ZNF738: variants seen among roughly 807,000 people sequenced by gnomAD.
The protein encoded by ZNF738 is protein ZNF738.
Under a neutral mutation model 9.2 loss-of-function variants are expected in ZNF738, and 10 were observed. That is an observed-to-expected ratio of 1.09 (90% CI 0.67 to 1.85). ZNF738 has a LOEUF of 1.85. Among genes scored for constraint, ZNF738 ranks in the 40% most tolerant of loss-of-function variants. The probability of loss-of-function intolerance (pLI) is 0.00; values close to 1 mark genes in which losing one functional copy is unlikely to be tolerated. For synonymous variants in ZNF738, 113 were observed against 94.5 expected (o/e 1.20, Z -1.14); for missense variants, 346 against 283.6 (o/e 1.22, Z -1.58).
At chr19:21,376,648 G>A (rs1387507061) in intron 4 of ZNF738, among the ~76,000 whole-genome samples, 3 of 152,038 alleles carry the variant, frequency 2.0e-5, no homozygotes, top group South Asian at 4.1e-4. Context: ...TGCCTCCAGC[G>A]ATTCTCCTAT....
At chr19:21,361,366 C>T (rs1036777831) in intron 1 of ZNF738, among the ~76,000 whole-genome samples, 10 of 151,892 alleles carry the variant, frequency 6.6e-5, no homozygotes, top group African/African-American at 2.4e-4. Flanking sequence ...TCTCGAACTC[C>T]CGACCTCAGG....
intron 2 of ZNF738, among the ~76,000 whole-genome samples, chr19:21,365,579 G>A (rs2928218): frequency 0.95 from 144,825 of 152,226 alleles, 69,159 homozygotes; most frequent in Middle Eastern, 1. Context: ...AGCTCAATCG[G>A]AACTCATCAG....
chr19:21,378,060 T>G, intron 4 of ZNF738: 1 of 397,354 alleles, frequency 2.5e-6, no homozygotes, highest in Non-Finnish European at 4.4e-6. Context: ...CTTTAAGAGA[T>G]ACAATGTATT....
At chr19:21,378,192 TA>T (rs1973958462) in intron 4 of ZNF738, 4 of 363,122 alleles carry the variant, frequency 1.1e-5, no homozygotes, top group Admixed American at 4.6e-5. Flanking sequence ...AACATGTTTA[TA>T]ATGATTTCTA....
intron 4 of ZNF738, chr19:21,377,858 C>T (rs1379974827): frequency 2.6e-6 from 1 of 377,794 alleles, no homozygotes; most frequent in Non-Finnish European, 4.7e-6. Context: ...GGAAAGTTTT[C>T]TGAAACAAAG....
chr19:21,380,719 A>G (rs1453499278), intron 4 of ZNF738, among the ~76,000 whole-genome samples: 1 of 152,206 alleles, frequency 6.6e-6, no homozygotes, highest in Admixed American at 6.5e-5. Context: ...TCAATGAGGC[A>G]TCTGACAATG....
intron 2 of ZNF738, among the ~76,000 whole-genome samples, chr19:21,368,302 CTTA>C (rs367599005): frequency 0.013 from 1,995 of 151,930 alleles, 54 homozygotes; most frequent in African/African-American, 0.042. Flanking sequence ...TCCATGTGTT[CTTA>C]TTATTTAGCT....
chr19:21,383,255 T>C lies in ZNF738; in HGVS notation c.709T>C (p.Cys237Arg), dbSNP rs921223969. The change falls in exon 5 of 5, where the codon TGT (cysteine) becomes CGT (arginine). Residue 237 changes from cysteine to arginine, a missense_variant. Coordinates refer to ENST00000683779, the MANE Select transcript of ZNF738 (RefSeq NM_001355237.2). The stretch of plus-strand genomic sequence containing the variant: ...AGAGAATTCTTACCAATGTGAAGAA[T>C]GTGGCAAAGCCTTTAAATGGTTCTC... ...IRENSYQCEECGKAFKWFSTL... is the reference protein window; with the variant it reads ...IRENSYQCEERGKAFKWFSTL... 1.9e-6 allele frequency: 3 copies of C among 1,590,932 alleles called. No individual in the cohort carries two copies. Among genetic ancestry groups the C allele is most frequent in the African/African-American group, 1.3e-5 (1 of 74,454 alleles).
Position 21,384,043 on chromosome 19 carries a change from C to T in ZNF738, c.*369C>T. The stretch of plus-strand genomic sequence containing the variant: ...GCTTTCTACCGATTCATTTACCTTA[C>T]TACACATAAGAGAATTCACACTGGA... On this transcript the variant is annotated 3_prime_UTR_variant, in exon 5 of 5. Transcript: ENST00000683779. The T allele has an allele frequency of 6.4e-7, 1 of 1,559,650 alleles. No homozygotes were observed.
intron 1 of ZNF738, 100 bp downstream of exon 1, chr19:21,359,243 T>G: frequency 1.2e-6 from 1 of 853,592 alleles, no homozygotes; most frequent in Non-Finnish European, 2.0e-6. Context: ...CAGTCAGCTC[T>G]ACAATCTGCG....
Position 21,383,966 on chromosome 19 carries a change from T to C in ZNF738, c.*292T>C, listed in dbSNP as rs1974037150. The C allele has an allele frequency of 1.4e-6, 2 of 1,442,338 alleles. No homozygotes were observed. The allele number at this position is 1,442,338 out of a possible 1,614,324, so 89.3% of individuals were successfully genotyped here. A position where few individuals can be genotyped will look rare whatever the true frequency, so the allele number is the denominator to read the frequency against. ...ACTGTTACTCCTACCTTACTGCACA[T>C]AAGTTGATTCATACTGGAGAGAAAC... On this transcript the variant is annotated 3_prime_UTR_variant, in exon 5 of 5. Coordinates refer to ENST00000683779, the MANE Select transcript of ZNF738 (RefSeq NM_001355237.2).
intron 2 of ZNF738, among the ~76,000 whole-genome samples, chr19:21,364,912 ATTTTTT>A (rs71176864): frequency 0.6 from 59,706 of 99,136 alleles, 16,696 homozygotes; most frequent in Middle Eastern, 0.79. Flanking sequence ...TACCCAGCTA[ATTTTTT>A]TTTTTTTTTT....
In ZNF738 at chr19:21,380,871, G is replaced by A. The variant is rs192956515; in HGVS notation, c.320-1995G>A. ...TCTGTTTGGGAGAAATGCTGAGGGG[G>A]ATGCATGTTCAAGCCATTCAGTAGA... On this transcript the variant is annotated intron_variant, in intron 4 of 4. Coordinates refer to ENST00000683779, the MANE Select transcript of ZNF738 (RefSeq NM_001355237.2). 7.9e-4 allele frequency among the ~76,000 whole-genome samples: 120 copies of A among 152,254 alleles called. 2 individuals are homozygous for A. Among genetic ancestry groups the A allele is most frequent in the Non-Finnish European group, 1.3e-3 (91 of 68,016 alleles).
At chr19:21,380,360 C>G (rs937815774) in intron 4 of ZNF738, among the ~76,000 whole-genome samples, 6 of 152,166 alleles carry the variant, frequency 3.9e-5, no homozygotes, top group African/African-American at 1.4e-4. Context: ...CACTGACTGC[C>G]TCAGAGGGCA....
chr19:21,359,800 C>T (rs1033189927), intron 1 of ZNF738, among the ~76,000 whole-genome samples: 2 of 152,082 alleles, frequency 1.3e-5, no homozygotes, highest in African/African-American at 4.8e-5. Flanking sequence ...TGGCGTGAAC[C>T]CAGGAGGCAG....
chr19:21,386,213 CT>C lies in ZNF738; in HGVS notation c.*2540del, dbSNP rs1339518216. 3.6e-6 allele frequency: 1 copy of C among 279,796 alleles called. No homozygotes were observed. The highest frequency in any genetic ancestry group is 2.3e-5 in the African/African-American group (1 of 44,350). 17.3% of individuals were successfully genotyped at this position (279,796 alleles called of 1,614,324 possible). A position where few individuals can be genotyped will look rare whatever the true frequency, so the allele number is the denominator to read the frequency against. On this transcript the variant is annotated 3_prime_UTR_variant, in exon 5 of 5. Coordinates refer to ENST00000683779, the MANE Select transcript of ZNF738 (RefSeq NM_001355237.2). ...ATGTGGCAAAGCCTTTAATGGTCCC[CT>C]CAACTTTCTGCACATAAGATAATTT...
chr19:21,359,848 G>C (rs1973659144), intron 1 of ZNF738, among the ~76,000 whole-genome samples: 1 of 152,118 alleles, frequency 6.6e-6, no homozygotes, highest in African/African-American at 2.4e-5. Flanking sequence ...CTGCACTCCA[G>C]CCTGGGCGAC....
chr19:21,382,290 G>A (rs1404000171), intron 4 of ZNF738, among the ~76,000 whole-genome samples: 1 of 150,042 alleles, frequency 6.7e-6, no homozygotes, highest in Non-Finnish European at 1.5e-5. Context: ...CACCCAGGCT[G>A]GAGTGCAATG....
intron 1 of ZNF738, among the ~76,000 whole-genome samples, chr19:21,359,729 G>T (rs1343492918): frequency 8.6e-5 from 13 of 151,816 alleles, no homozygotes; most frequent in Admixed American, 6.6e-5. Context: ...TACAAAAAAT[G>T]AGCCGGGCGT....
Sources: gnomAD v4.1 joint callset for allele counts (sites outside exome capture counted in the v4.1 genomes callset) on GRCh38, gnomAD v4.1.1 for gene constraint, MANE v1.5 for transcripts, NCBI Gene and HGNC (gene_info 2026-07-23, HGNC 2026-07-21) for gene names.